SLC25A21: variants seen among roughly 807,000 people sequenced by gnomAD.
SLC25A21 encodes the protein solute carrier family 25 member 21.
Under a neutral mutation model 43.8 loss-of-function variants are expected in SLC25A21, and 47 were observed. That is an observed-to-expected ratio of 1.07 (90% confidence interval 0.85 to 1.37). The LOEUF (loss-of-function observed/expected upper bound fraction) is 1.37. Ranked by LOEUF, SLC25A21 falls within the 40% of genes most tolerant of loss-of-function variation. SLC25A21 has a pLI of 0.00. For missense variants in SLC25A21, 352 were observed against 350.2 expected (o/e 1.00, Z -0.04); for synonymous variants, 131 against 121.3 (o/e 1.08, Z -0.52).
intron 1 of SLC25A21, among the ~76,000 whole-genome samples, chr14:37,086,742 G>T (rs1351229227): frequency 2.0e-5 from 3 of 152,156 alleles, no homozygotes; most frequent in Non-Finnish European, 2.9e-5. Context: ...GTTAATCCAT[G>T]TGGAGTACTT....
intron 1 of SLC25A21, among the ~76,000 whole-genome samples, chr14:36,902,077 G>A (rs933524243): frequency 5.3e-5 from 8 of 152,226 alleles, no homozygotes; most frequent in Non-Finnish European, 1.0e-4. Context: ...TGTACCTTGT[G>A]TAAGTTACTT....
At chr14:36,945,015 C>G (rs1019403332) in intron 1 of SLC25A21, among the ~76,000 whole-genome samples, 1 of 152,056 alleles carries the variant, frequency 6.6e-6, no homozygotes, top group African/African-American at 2.4e-5. Context: ...GAGTGTTCAT[C>G]CTAGTCAGTC....
At chr14:37,119,967 T>C (rs1437582302) in intron 1 of SLC25A21, among the ~76,000 whole-genome samples, 1 of 152,184 alleles carries the variant, frequency 6.6e-6, no homozygotes, top group African/African-American at 2.4e-5. Flanking sequence ...GGAGATTCAA[T>C]GTTCAGACTT....
At chr14:36,705,730 T>C (rs905721994) in intron 7 of SLC25A21, among the ~76,000 whole-genome samples, 5 of 152,164 alleles carry the variant, frequency 3.3e-5, no homozygotes, top group African/African-American at 1.2e-4. Context: ...TAGATTTTTT[T>C]TAAATTAAAG....
intron 1 of SLC25A21, among the ~76,000 whole-genome samples, chr14:37,082,534 A>G (rs1594784379): frequency 6.6e-6 from 1 of 152,326 alleles, no homozygotes; most frequent in East Asian, 1.9e-4. Flanking sequence ...GTCCTCAGAA[A>G]TGAAAGGGGA....
intron 1 of SLC25A21, among the ~76,000 whole-genome samples, chr14:36,994,475 C>T (rs1369280767): frequency 6.6e-6 from 1 of 152,124 alleles, no homozygotes; most frequent in African/African-American, 2.4e-5. Context: ...CACATGTTTA[C>T]TTAAAAGAAG....
chr14:37,072,737 T>C lies in SLC25A21; in HGVS notation c.70+99544A>G, dbSNP rs550024322. Among the ~76,000 whole-genome samples, 46 of 151,958 alleles carry C rather than the reference T, an allele frequency of 3.0e-4. 1 individual carries two copies. In the South Asian group the frequency reaches 8.7e-3, roughly 29 times the overall value. On this transcript the variant is annotated intron_variant, in intron 1 of 9. Coordinates refer to ENST00000331299, the MANE Select transcript of SLC25A21 (RefSeq NM_030631.4). ...CCAGCCTGGGCGGAGCAAGACTCTG[T>C]CTCAAAAATAAAAACAAAAAAGAAA...
intron 1 of SLC25A21, among the ~76,000 whole-genome samples, chr14:36,947,913 A>G (rs1482443568): frequency 6.6e-6 from 1 of 152,216 alleles, no homozygotes; most frequent in African/African-American, 2.4e-5. Context: ...TCTAAATGAT[A>G]TGTATGTGGA....
chr14:36,956,727 TG>T (rs944479986), intron 1 of SLC25A21, among the ~76,000 whole-genome samples: 19 of 152,280 alleles, frequency 1.2e-4, no homozygotes, highest in African/African-American at 4.3e-4. Flanking sequence ...TTACGAATAA[TG>T]GGGATATCCA....
At chr14:36,945,259 G>A (rs1485890033) in intron 1 of SLC25A21, among the ~76,000 whole-genome samples, 1 of 152,106 alleles carries the variant, frequency 6.6e-6, no homozygotes, top group Non-Finnish European at 1.5e-5. Flanking sequence ...GCTACAAATG[G>A]AGGCAGAAAT....
intron 1 of SLC25A21, among the ~76,000 whole-genome samples, chr14:36,958,425 A>G (rs1712008566): frequency 1.3e-5 from 2 of 152,240 alleles, no homozygotes; most frequent in Non-Finnish European, 2.9e-5. Context: ...AAGAATCTCA[A>G]AGATTAAACT....
chr14:37,138,551 T>C (rs1169161762), intron 1 of SLC25A21, among the ~76,000 whole-genome samples: 1 of 152,166 alleles, frequency 6.6e-6, no homozygotes, highest in Admixed American at 6.5e-5. Flanking sequence ...TTAATATTTA[T>C]ATAGCTCTGC....
At chr14:36,882,359 G>T (rs1416884896) in intron 1 of SLC25A21, among the ~76,000 whole-genome samples, 1 of 152,070 alleles carries the variant, frequency 6.6e-6, no homozygotes, top group Non-Finnish European at 1.5e-5. Context: ...CTCTAGCCTG[G>T]GCGACAGAGG....
chr14:36,970,801 T>G (rs530701915), intron 1 of SLC25A21, among the ~76,000 whole-genome samples: 2 of 152,348 alleles, frequency 1.3e-5, no homozygotes, highest in African/African-American at 4.8e-5. Context: ...AATATTTTCA[T>G]GTAGGTGTCC....
At chr14:36,840,931 C>T (rs1318901316) in intron 2 of SLC25A21, among the ~76,000 whole-genome samples, 1 of 152,166 alleles carries the variant, frequency 6.6e-6, no homozygotes, top group African/African-American at 2.4e-5. Context: ...AAGAACACTG[C>T]CTACCCACTC....
intron 1 of SLC25A21, among the ~76,000 whole-genome samples, chr14:37,123,626 A>G (rs17178764): frequency 0.032 from 4,803 of 152,334 alleles, 103 homozygotes; most frequent in Middle Eastern, 0.051. Context: ...CTCAAAATAT[A>G]AAATGACAGA....
chr14:36,708,793 C>G (rs1471025351), intron 7 of SLC25A21, among the ~76,000 whole-genome samples: 1 of 146,662 alleles, frequency 6.8e-6, no homozygotes, highest in Non-Finnish European at 1.5e-5. Context: ...CTATGTTCCC[C>G]AGGCCTGTCT....
In SLC25A21 at chr14:37,074,765, A is replaced by C. The variant is rs1191384291; in HGVS notation, c.70+97516T>G. Among the ~76,000 whole-genome samples the C allele has an allele frequency of 2.0e-5, 3 of 152,114 alleles. 1 individual carries two copies. The highest frequency in any genetic ancestry group is 2.0e-4 in the Admixed American group (3 of 15,262). The stretch of plus-strand genomic sequence containing the variant: ...GGAGAACTGCTGGAACCCGAGAGGC[A>C]GAGCCGAGATCGCGCCACTGCACTC... On this transcript the variant is annotated intron_variant, in intron 1 of 9. Coordinates refer to ENST00000331299, the MANE Select transcript of SLC25A21 (RefSeq NM_030631.4).
At chr14:36,689,183 C>CA (rs1221314617) in intron 7 of SLC25A21, among the ~76,000 whole-genome samples, 5 of 151,912 alleles carry the variant, frequency 3.3e-5, no homozygotes, top group African/African-American at 4.8e-5. Context: ...GGCAGCAGGC[C>CA]AAAAAAAGAG....
Sources: allele counts gnomAD v4.1 joint callset (sites outside exome capture counted in the v4.1 genomes callset), GRCh38; gene constraint gnomAD v4.1.1; transcripts MANE v1.5; gene names NCBI Gene and HGNC (gene_info 2026-07-23, HGNC 2026-07-21).